TBC1D32: variants seen among roughly 807,000 people sequenced by gnomAD.
TBC1D32 encodes TBC1 domain family member 32.
A neutral mutation model predicts 170.3 loss-of-function variants in TBC1D32; 151 were observed. That is an observed-to-expected ratio of 0.89 (90% confidence interval 0.78 to 1.01). The LOEUF is 1.01. Ranked by LOEUF, TBC1D32 falls within the 50% of genes least tolerant of loss-of-function variation. The pLI, the probability that TBC1D32 is intolerant of heterozygous loss-of-function variation, is 0.00. For synonymous variants in TBC1D32, 498 were observed against 488.0 expected, an observed-to-expected ratio of 1.02 and a Z score of -0.27; for missense variants, 1,464 against 1,457.1, an observed-to-expected ratio of 1.00 and a Z score of -0.08.
chr6:121,173,745 A>G (rs566088968), intron 22 of TBC1D32, among the ~76,000 whole-genome samples: 6 of 152,192 alleles, frequency 3.9e-5, no homozygotes, highest in African/African-American at 1.4e-4. Flanking sequence ...TGGCCGGAAA[A>G]AGGAGCAAAC....
At position 121,131,615 on chromosome 6, in the gene TBC1D32, C is replaced by T. The variant is rs754887229; in HGVS notation, c.2899+12G>A. The T allele has an allele frequency of 6.3e-7, 1 of 1,597,622 alleles. No homozygotes were observed. Reference sequence around the variant, plus strand: ...TACATAAGAAAACCCACAATGGAAACAATGTACTTACCCTCTCCACTGATT... The same window carrying T: ...TACATAAGAAAACCCACAATGGAAATAATGTACTTACCCTCTCCACTGATT... On this transcript the variant is annotated intron_variant, in intron 25 of 31. Transcript: ENST00000398212.
chr6:121,161,124 C>T lies in TBC1D32; in HGVS notation c.2571-68G>A, dbSNP rs536363266. The stretch of plus-strand genomic sequence containing the variant: ...ATATGTGTTAATTTTTAAATCAAGT[C>T]TCTGGATTGTAAAGAAAAAAGGCAA... On this transcript the variant is annotated intron_variant, in intron 22 of 31. Transcript: ENST00000398212. The T allele has an allele frequency of 1.0e-4, 125 of 1,213,558 alleles. No homozygotes were observed. The African/African-American group carries it at 1.4e-3, about 14-fold the overall frequency. The allele number at this position is 1,213,558 out of a possible 1,614,324, so 75.2% of individuals were successfully genotyped here. A position where few individuals can be genotyped will look rare whatever the true frequency, so the allele number is the denominator to read the frequency against.
intron 22 of TBC1D32, among the ~76,000 whole-genome samples, chr6:121,187,860 T>C (rs565689739): frequency 1.3e-4 from 20 of 152,038 alleles, no homozygotes; most frequent in Non-Finnish European, 2.6e-4. Context: ...TGAGAGTTTA[T>C]GTTTTCACAA....
rs371841998 is a variant in TBC1D32, at chr6:121,175,788, A to G, written c.2571-14732T>C. On this transcript the variant is annotated intron_variant, in intron 22 of 31. Coordinates refer to ENST00000398212, the MANE Select transcript of TBC1D32 (RefSeq NM_152730.6). ...AGCATTCCCATTAAAGTCATCAGGA[A>G]GGCAAAACTGCCAATTATTTTTTAA... Among the ~76,000 whole-genome samples, 137 of 152,332 alleles carry G rather than the reference A, an allele frequency of 9.0e-4. 1 individual carries two copies. In the South Asian group the frequency reaches 0.026, roughly 29 times the overall value.
chr6:121,259,161 G>A (rs1799440342), intron 15 of TBC1D32, among the ~76,000 whole-genome samples: 1 of 151,962 alleles, frequency 6.6e-6, no homozygotes, highest in African/African-American at 2.4e-5. Flanking sequence ...AGCCCAGCAC[G>A]GTGGCGCACA....
intron 1 of TBC1D32, among the ~76,000 whole-genome samples, chr6:121,328,996 T>A (rs1264217449): frequency 1.3e-5 from 2 of 152,172 alleles, no homozygotes; most frequent in African/African-American, 4.8e-5. Flanking sequence ...GACAGCTGTT[T>A]GTTAATAAAG....
chr6:121,185,167 T>G (rs1583123160), intron 22 of TBC1D32, among the ~76,000 whole-genome samples: 1 of 152,024 alleles, frequency 6.6e-6, no homozygotes, highest in Non-Finnish European at 1.5e-5. Context: ...TGAGTAGATA[T>G]GCTACTTCAA....
chr6:121,286,726 G>A (rs147560149), intron 12 of TBC1D32, among the ~76,000 whole-genome samples: 14,266 of 152,084 alleles, frequency 0.094, 1,169 homozygotes, highest in African/African-American at 0.22. Flanking sequence ...TCAAATGAAG[G>A]AAAAAATGTA....
At chr6:121,091,645 G>A (rs1413271499) in intron 30 of TBC1D32, among the ~76,000 whole-genome samples, 2 of 152,050 alleles carry the variant, frequency 1.3e-5, no homozygotes, top group African/African-American at 2.4e-5. Flanking sequence ...AGCAATGCGT[G>A]CCCACTGTGG....
chr6:121,145,019 C>T (rs1044469386), intron 24 of TBC1D32, among the ~76,000 whole-genome samples: 3 of 152,038 alleles, frequency 2.0e-5, no homozygotes, highest in Non-Finnish European at 2.9e-5. Flanking sequence ...GGCTGAAAGC[C>T]GGTGGAGTAT....
At chr6:121,197,550 T>C (rs796714107) in intron 22 of TBC1D32, among the ~76,000 whole-genome samples, 2 of 152,348 alleles carry the variant, frequency 1.3e-5, no homozygotes, top group African/African-American at 4.8e-5. Flanking sequence ...TTCCTTTTCC[T>C]TTATCATGTG....
chr6:121,080,291 C>A lies in TBC1D32; in HGVS notation c.*480G>T, dbSNP rs1452266342. ...GGAGTACAGTGGCACAATCTTGGCTCACTGCAACCTCCGCCTCCCGGGTTC... is the reference window on the plus strand; with the variant it reads ...GGAGTACAGTGGCACAATCTTGGCTAACTGCAACCTCCGCCTCCCGGGTTC... On this transcript the variant is annotated 3_prime_UTR_variant, in exon 32 of 32. Coordinates refer to ENST00000398212, the MANE Select transcript of TBC1D32 (RefSeq NM_152730.6). 4 of 242,996 alleles carry A rather than the reference C, an allele frequency of 1.6e-5. No homozygotes were observed. The highest frequency in any genetic ancestry group is 1.2e-4 in the South Asian group (3 of 25,114). The allele number at this position is 242,996 out of a possible 1,614,324, so 15.1% of individuals were successfully genotyped here.
intron 15 of TBC1D32, among the ~76,000 whole-genome samples, chr6:121,274,359 C>CA (rs61410938): frequency 0.054 from 7,598 of 141,772 alleles, 361 homozygotes; most frequent in African/African-American, 0.13. Flanking sequence ...CAAACAACAA[C>CA]AAAAAAAAAA....
At chr6:121,211,791 A>G (rs906717045) in intron 21 of TBC1D32, among the ~76,000 whole-genome samples, 1 of 152,104 alleles carries the variant, frequency 6.6e-6, no homozygotes. Context: ...TTTGGGGAAC[A>G]CCACTGTCCC....
intron 30 of TBC1D32, among the ~76,000 whole-genome samples, chr6:121,093,684 T>C (rs1232447968): frequency 6.6e-6 from 1 of 152,178 alleles, no homozygotes; most frequent in Non-Finnish European, 1.5e-5. Flanking sequence ...ACATAGTTTC[T>C]AATGCAGTTA....
intron 3 of TBC1D32, 34 bp from the exon 4 acceptor site, chr6:121,310,881 A>C: frequency 8.2e-7 from 1 of 1,224,364 alleles, no homozygotes; most frequent in Non-Finnish European, 1.2e-6. Flanking sequence ...TCATTTATTT[A>C]GAAGGCTTTT....
chr6:121,096,365 AAC>A (rs1777407339), intron 30 of TBC1D32: 2 of 152,134 alleles, frequency 1.3e-5, no homozygotes, highest in Non-Finnish European at 2.9e-5. Flanking sequence ...ATACAAAATC[AAC>A]ATGCAAAAAT....
chr6:121,211,231 A>T (rs1324936351), intron 21 of TBC1D32, among the ~76,000 whole-genome samples: 1 of 152,206 alleles, frequency 6.6e-6, no homozygotes, highest in Non-Finnish European at 1.5e-5. Context: ...GATAAGTAAC[A>T]GAAAAATGCA....
rs1025809130 is a variant in TBC1D32, at chr6:121,079,877, T to C, written c.*894A>G. 1 of 152,194 alleles carries C rather than the reference T, an allele frequency of 6.6e-6. No homozygotes were observed. Among genetic ancestry groups the C allele is most frequent in the Non-Finnish European group, 1.5e-5 (1 of 68,024 alleles). 9.4% of individuals were successfully genotyped at this position (152,194 alleles called of 1,614,324 possible). On this transcript the variant is annotated 3_prime_UTR_variant, in exon 32 of 32. Transcript: ENST00000398212. Reference sequence around the variant, plus strand: ...TGAAATAACCAATCTATCTCTTCAATGAACCATGTAAAGACTTCATTTCAA... The same window carrying C: ...TGAAATAACCAATCTATCTCTTCAACGAACCATGTAAAGACTTCATTTCAA...
Sources: allele counts gnomAD v4.1 joint callset (sites outside exome capture counted in the v4.1 genomes callset), GRCh38; gene constraint gnomAD v4.1.1; transcripts MANE v1.5; gene names NCBI Gene and HGNC (gene_info 2026-07-23, HGNC 2026-07-21).